Variants in NRXN3 observed in about 807,000 individuals in gnomAD.
NRXN3 encodes the protein neurexin III.
NRXN3 carries 32 observed loss-of-function variants against 137.6 expected under a neutral mutation model. The observed-to-expected ratio is 0.23, with a 90% confidence interval of 0.18 to 0.31. The LOEUF is 0.31. NRXN3 is among the 10% of genes least tolerant of loss of function. The pLI, the probability that NRXN3 is intolerant of heterozygous loss-of-function variation, is 1.00. For synonymous variants in NRXN3, 798 were observed against 784.5 expected, an observed-to-expected ratio of 1.02 and a Z score of -0.29; for missense variants, 1,574 against 2,062.5, an observed-to-expected ratio of 0.76 and a Z score of 4.59.
intron 16 of NRXN3, among the ~76,000 whole-genome samples, chr14:79,570,306 C>G (rs978758364): frequency 5.3e-5 from 8 of 152,116 alleles, no homozygotes; most frequent in Non-Finnish European, 1.0e-4. Flanking sequence ...TCTATGCTCC[C>G]CAAACTCAAA....
chr14:79,585,694 C>CA (rs76676582), intron 16 of NRXN3, among the ~76,000 whole-genome samples: 53 of 114,346 alleles, frequency 4.6e-4, no homozygotes, highest in South Asian at 1.5e-3. Context: ...AAAAAAAAAA[C>CA]AAAAAAAAAA....
rs771210098 is a variant in NRXN3, at chr14:78,383,314, A to G, written c.757+85454A>G. Among the ~76,000 whole-genome samples the G allele has an allele frequency of 4.6e-5, 7 of 152,262 alleles. No homozygotes were observed. In the South Asian group the frequency reaches 1.2e-3, roughly 27 times the overall value. On this transcript the variant is annotated intron_variant, in intron 4 of 20. Coordinates refer to ENST00000335750, the MANE Select transcript of NRXN3 (RefSeq NM_001330195.2). ...TTTCGTTATGGAAAATAGGGTGAAC[A>G]TGAGTAATGGGAAATGCAGTTAGCT...
At chr14:79,219,880 T>C (rs569724624) in intron 15 of NRXN3, among the ~76,000 whole-genome samples, 1 of 152,204 alleles carries the variant, frequency 6.6e-6, no homozygotes, top group Non-Finnish European at 1.5e-5. Context: ...GGAACAAGTA[T>C]GCAAAAGCAA....
chr14:78,711,468 T>C (rs2098407795), intron 7 of NRXN3, among the ~76,000 whole-genome samples: 1 of 136,780 alleles, frequency 7.3e-6, no homozygotes, highest in African/African-American at 2.8e-5. Context: ...TGAGACAGAG[T>C]TTCTCTCTTG....
intron 6 of NRXN3, among the ~76,000 whole-genome samples, chr14:78,706,041 T>G (rs568607059): frequency 7.0e-4 from 107 of 152,314 alleles, no homozygotes; most frequent in African/African-American, 2.4e-3. Context: ...AAGGCTTTTT[T>G]TTCCCTCCTT....
At chr14:79,222,919 G>T (rs1361773653) in intron 15 of NRXN3, among the ~76,000 whole-genome samples, 1 of 152,060 alleles carries the variant, frequency 6.6e-6, no homozygotes, top group African/African-American at 2.4e-5. Context: ...TTGGATAACA[G>T]TCCTTTATCA....
intron 15 of NRXN3, among the ~76,000 whole-genome samples, chr14:79,112,924 C>A (rs74955385): frequency 6.6e-6 from 1 of 152,066 alleles, no homozygotes; most frequent in African/African-American, 2.4e-5. Flanking sequence ...AAAGTTGAGA[C>A]GCAGTTTTCC....
At chr14:79,105,105 C>T (rs2052145181) in intron 15 of NRXN3, among the ~76,000 whole-genome samples, 1 of 152,048 alleles carries the variant, frequency 6.6e-6, no homozygotes, top group African/African-American at 2.4e-5. Context: ...TTATTTCACC[C>T]CAGACAGACA....
At chr14:79,366,559 C>T (rs1370173200) in intron 15 of NRXN3, among the ~76,000 whole-genome samples, 3 of 152,150 alleles carry the variant, frequency 2.0e-5, no homozygotes, top group African/African-American at 7.2e-5. Flanking sequence ...AAAGTGAGAA[C>T]ATTCCATGCA....
intron 8 of NRXN3, among the ~76,000 whole-genome samples, chr14:78,780,789 A>G (rs531987762): frequency 1.3e-5 from 2 of 152,326 alleles, no homozygotes; most frequent in African/African-American, 2.4e-5. Context: ...GCAAAAATGT[A>G]CCATTCTGAC....
At chr14:78,943,615 AAAAAAAATATATAT>A (rs1186145534) in intron 10 of NRXN3, among the ~76,000 whole-genome samples, 7 of 42,498 alleles carry the variant, frequency 1.6e-4, no homozygotes, top group South Asian at 1.2e-3. Context: ...ACTGTTAAAA[AAAAAAAATATATAT>A]ATATATATAT....
At chr14:78,423,607 C>G (rs1393078354) in intron 4 of NRXN3, among the ~76,000 whole-genome samples, 3 of 152,094 alleles carry the variant, frequency 2.0e-5, no homozygotes, top group Non-Finnish European at 4.4e-5. Context: ...GACTAAAGGC[C>G]CACAAACTCT....
chr14:79,298,778 A>T (rs1035383915), intron 15 of NRXN3: 2 of 152,232 alleles, frequency 1.3e-5, no homozygotes, highest in Non-Finnish European at 2.9e-5. Context: ...TGTTCTGGGA[A>T]TTTGAATTTC....
intron 15 of NRXN3, among the ~76,000 whole-genome samples, chr14:79,190,270 C>G (rs190598667): frequency 5.3e-5 from 8 of 151,972 alleles, no homozygotes; most frequent in Non-Finnish European, 1.2e-4. Flanking sequence ...AATATCAGGT[C>G]TTTCTCATTT....
intron 16 of NRXN3, chr14:79,661,866 T>C (rs1028446717): frequency 9.2e-5 from 14 of 152,172 alleles, no homozygotes; most frequent in African/African-American, 3.4e-4. Flanking sequence ...GAATTACTAC[T>C]GATATGGTTT....
chr14:79,637,912 TAGAGATGGG>T (rs2098413937), intron 16 of NRXN3, among the ~76,000 whole-genome samples: 1 of 151,838 alleles, frequency 6.6e-6, no homozygotes, highest in Non-Finnish European at 1.5e-5. Context: ...TTATTTTTAG[TAGAGATGGG>T]TTTTCAACAT....
At chr14:79,085,877 C>T (rs549464751) in intron 15 of NRXN3, among the ~76,000 whole-genome samples, 10 of 152,222 alleles carry the variant, frequency 6.6e-5, no homozygotes, top group East Asian at 5.8e-4. Context: ...TCCCTATGGG[C>T]GGATAAAACT....
intron 15 of NRXN3, among the ~76,000 whole-genome samples, chr14:79,431,459 G>C (rs1309015884): frequency 1.3e-5 from 2 of 152,242 alleles, no homozygotes; most frequent in East Asian, 3.9e-4. Flanking sequence ...GTACTACACT[G>C]TCTACATTTA....
At chr14:78,424,696 G>A (rs2093591575) in intron 4 of NRXN3, among the ~76,000 whole-genome samples, 1 of 152,176 alleles carries the variant, frequency 6.6e-6, no homozygotes, top group Admixed American at 6.5e-5. Flanking sequence ...TAGAGTTGCT[G>A]GAGTTTGAAT....
Sources: gnomAD v4.1 joint callset for allele counts (sites outside exome capture counted in the v4.1 genomes callset) on GRCh38, gnomAD v4.1.1 for gene constraint, MANE v1.5 for transcripts, NCBI Gene and HGNC (gene_info 2026-07-23, HGNC 2026-07-21) for gene names.